Variants in ME1 observed in about 807,000 individuals in gnomAD.
ME1 encodes NADP-dependent malic enzyme.
In ME1, 74 loss-of-function variants were observed where a neutral mutation model predicts 66.4. The observed-to-expected ratio is 1.11, with a 90% confidence interval of 0.92 to 1.35. ME1 has a LOEUF of 1.35. Among genes scored for constraint, ME1 ranks in the 40% most tolerant of loss-of-function variants. ME1 has a pLI of 0.00. For missense variants in ME1, 750 were observed against 694.1 expected (o/e 1.08, Z -0.90); for synonymous variants, 251 against 235.6 (o/e 1.07, Z -0.60).
intron 1 of ME1, among the ~76,000 whole-genome samples, chr6:83,421,024 AG>A (rs556271131): frequency 1.3e-5 from 2 of 152,068 alleles, no homozygotes; most frequent in African/African-American, 2.4e-5. Flanking sequence ...GCAGACAGGG[AG>A]GGGGGGCCCA....
At chr6:83,228,579 T>C (rs1790241391) in intron 10 of ME1, among the ~76,000 whole-genome samples, 2 of 152,136 alleles carry the variant, frequency 1.3e-5, no homozygotes, top group African/African-American at 2.4e-5. Context: ...CCTAGAAAAG[T>C]GCTGAACGTG....
At chr6:83,355,836 A>C (rs1768878031) in intron 3 of ME1, among the ~76,000 whole-genome samples, 1 of 152,166 alleles carries the variant, frequency 6.6e-6, no homozygotes, top group African/African-American at 2.4e-5. Context: ...ATATTTTTTA[A>C]TGAATGGAAT....
chr6:83,305,945 C>T (rs1001499872), intron 6 of ME1, among the ~76,000 whole-genome samples: 5 of 152,100 alleles, frequency 3.3e-5, no homozygotes, highest in African/African-American at 1.2e-4. Context: ...CATAGATGGT[C>T]TTTCAAAAGG....
intron 4 of ME1, among the ~76,000 whole-genome samples, chr6:83,351,303 A>G (rs1445998086): frequency 6.6e-6 from 1 of 152,198 alleles, no homozygotes. Flanking sequence ...GTGCCTTTGT[A>G]CCACCAAAAG....
At chr6:83,215,722 A>G (rs1789978081) in intron 13 of ME1, among the ~76,000 whole-genome samples, 1 of 152,190 alleles carries the variant, frequency 6.6e-6, no homozygotes, top group Admixed American at 6.6e-5. Context: ...AGCCAAGGAG[A>G]GAGGCCTCAG....
rs139454230 is a variant in ME1 at position 83,248,754 on chromosome 6, AT to A, written c.814+4874del. 2.0e-3 allele frequency among the ~76,000 whole-genome samples: 309 copies of A among 152,224 alleles called. 2 individuals carry two copies. The East Asian group carries it at 0.044, about 21-fold the overall frequency. On this transcript the variant is annotated intron_variant, in intron 7 of 13. Coordinates refer to ENST00000369705, the MANE Select transcript of ME1 (RefSeq NM_002395.6). ...TGCTTCCTCTTTGCCTTCTACGATGATTGTAAGTTTCCTGAGGCCTCCTCAG... is the reference window on the plus strand; with the variant it reads ...TGCTTCCTCTTTGCCTTCTACGATGATGTAAGTTTCCTGAGGCCTCCTCAG...
At chr6:83,386,336 A>G (rs1769502429) in intron 3 of ME1, among the ~76,000 whole-genome samples, 1 of 152,168 alleles carries the variant, frequency 6.6e-6, no homozygotes, top group East Asian at 1.9e-4. Flanking sequence ...ATGCTAAACC[A>G]GAACTATAAG....
At chr6:83,429,348 C>T (rs1468074474) in intron 1 of ME1, among the ~76,000 whole-genome samples, 3 of 152,162 alleles carry the variant, frequency 2.0e-5, no homozygotes, top group Non-Finnish European at 2.9e-5. Flanking sequence ...CTCATGCCAT[C>T]TACATACTCT....
intron 4 of ME1, among the ~76,000 whole-genome samples, chr6:83,347,798 T>C (rs1768716919): frequency 6.6e-6 from 1 of 152,168 alleles, no homozygotes; most frequent in East Asian, 1.9e-4. Flanking sequence ...ATTTTAGATG[T>C]AAAGAGAAAT....
At chr6:83,232,054 G>A (rs1460616457) in intron 9 of ME1, among the ~76,000 whole-genome samples, 1 of 152,108 alleles carries the variant, frequency 6.6e-6, no homozygotes, top group African/African-American at 2.4e-5. Context: ...AGGCTGCCAA[G>A]ATTTTGGGCT....
At chr6:83,253,501 C>T (rs1208425292) in intron 7 of ME1, 128 bp downstream of exon 7, 3 of 501,340 alleles carry the variant, frequency 6.0e-6, no homozygotes, top group Admixed American at 6.3e-5. Context: ...TAGTATGTGA[C>T]ATCAGCAAGC....
chr6:83,359,938 G>C (rs1290862889), intron 3 of ME1, among the ~76,000 whole-genome samples: 1 of 152,172 alleles, frequency 6.6e-6, no homozygotes, highest in African/African-American at 2.4e-5. Flanking sequence ...ACGCAAGGTG[G>C]GTGGAGCTAC....
chr6:83,219,001 T>C (rs1790040403), intron 12 of ME1, among the ~76,000 whole-genome samples: 1 of 152,164 alleles, frequency 6.6e-6, no homozygotes, highest in African/African-American at 2.4e-5. Flanking sequence ...GAATAATGCC[T>C]AGCATATGTT....
At chr6:83,346,859 AGTAC>A (rs2128543902) in intron 4 of ME1, among the ~76,000 whole-genome samples, 1 of 152,266 alleles carries the variant, frequency 6.6e-6, no homozygotes, top group African/African-American at 2.4e-5. Context: ...AAACATGTCC[AGTAC>A]AGTCTGCTAC....
intron 12 of ME1, among the ~76,000 whole-genome samples, chr6:83,217,948 G>A (rs1790024549): frequency 1.3e-5 from 2 of 152,070 alleles, no homozygotes; most frequent in Non-Finnish European, 2.9e-5. Context: ...AGGAGAAGGA[G>A]GTAAAGTTAC....
In ME1 at chr6:83,210,959, A is replaced by T. The variant is rs1254412072; in HGVS notation, c.*965T>A. ...TTCAGGCAAAAGCAAGATGATTATA[A>T]CACAGTTAGCTCTTCATTACCTGAG... is the stretch of plus-strand genomic sequence containing the variant. On this transcript the variant is annotated 3_prime_UTR_variant, in exon 14 of 14. Coordinates refer to ENST00000369705, the MANE Select transcript of ME1 (RefSeq NM_002395.6). 1 of 152,208 alleles carries T rather than the reference A, an allele frequency of 6.6e-6. No individual in the cohort carries two copies. The highest frequency in any genetic ancestry group is 1.5e-5 in the Non-Finnish European group (1 of 68,034). The allele number at this position is 152,208 out of a possible 1,614,324, so 9.4% of individuals were successfully genotyped here. A position where few individuals can be genotyped will look rare whatever the true frequency, so the allele number is the denominator to read the frequency against.
intron 5 of ME1, among the ~76,000 whole-genome samples, chr6:83,341,531 G>A (rs1446933154): frequency 6.6e-6 from 1 of 151,936 alleles, no homozygotes; most frequent in East Asian, 1.9e-4. Flanking sequence ...CTTTTATAAA[G>A]GGAACAAATA....
rs532922074 is a variant in ME1, at chr6:83,366,680, C to A, written c.363-14541G>T. On this transcript the variant is annotated intron_variant, in intron 3 of 13. Transcript: ENST00000369705. ...AGTTGTTGCTGTATACCTCTCTTGC[C>A]ACTTCTGTGACCAAATTACCAATGC... 8.9e-4 allele frequency among the ~76,000 whole-genome samples: 135 copies of A among 152,284 alleles called. 1 individual carries two copies. The highest frequency in any genetic ancestry group is 3.1e-3 in the African/African-American group (127 of 41,580).
At chr6:83,258,587 C>T (rs1290639081) in intron 6 of ME1, among the ~76,000 whole-genome samples, 2 of 152,146 alleles carry the variant, frequency 1.3e-5, no homozygotes, top group African/African-American at 4.8e-5. Context: ...AGAGATTTTG[C>T]TCCCGTGGCA....
Sources: gnomAD v4.1 joint callset for allele counts (sites outside exome capture counted in the v4.1 genomes callset) on GRCh38, gnomAD v4.1.1 for gene constraint, MANE v1.5 for transcripts, NCBI Gene and HGNC (gene_info 2026-07-23, HGNC 2026-07-21) for gene names.